Variants in PCBP3 observed in about 807,000 individuals in gnomAD.
PCBP3 encodes poly(rC)-binding protein 3.
In PCBP3, 25 loss-of-function variants were observed where a neutral mutation model predicts 52.7. That is an observed-to-expected ratio of 0.47 (90% CI 0.35 to 0.66). The LOEUF is 0.66. PCBP3 is among the 30% of genes least tolerant of loss of function. PCBP3 has a pLI of 0.01. For missense variants in PCBP3, 391 were observed against 490.3 expected, an observed-to-expected ratio of 0.80 and a Z score of 1.91; for synonymous variants, 162 against 183.0, an observed-to-expected ratio of 0.89 and a Z score of 0.93.
rs1446604811 is a variant in PCBP3, at chr21:45,802,509, C to T, written c.-126+47057C>T. ...AGGGCACGTGGCCCAGAGGGCTCTG[C>T]AGAGACGGCTCTGAGAGCAAAAGTG... is the stretch of plus-strand genomic sequence containing the variant. On this transcript the variant is annotated intron_variant, in intron 4 of 17. Transcript: ENST00000681687. The surrounding 1 kb of genome is among the most constrained non-coding windows in gnomAD (Gnocchi z 5.1). 1.3e-5 allele frequency among the ~76,000 whole-genome samples: 2 copies of T among 152,184 alleles called. No homozygotes were observed. The highest frequency in any genetic ancestry group is 4.8e-5 in the African/African-American group (2 of 41,432).
chr21:45,871,181 C>A (rs73911015), intron 5 of PCBP3: 2,499 of 176,266 alleles, frequency 0.014, 67 homozygotes, highest in East Asian at 0.1. Flanking sequence ...CCGTGCAGCC[C>A]AGTGCCTGGG....
intron 9 of PCBP3, among the ~76,000 whole-genome samples, chr21:45,905,684 A>C (rs893686187): frequency 6.6e-6 from 1 of 152,256 alleles, no homozygotes; most frequent in Non-Finnish European, 1.5e-5. Context: ...CTGGGTCCTC[A>C]CAGAGTCACC....
At chr21:45,730,909 G>A (rs1170442711) in intron 2 of PCBP3, among the ~76,000 whole-genome samples, 1 of 151,758 alleles carries the variant, frequency 6.6e-6, no homozygotes, top group Non-Finnish European at 1.5e-5. Context: ...TAACCTCTGT[G>A]TATGTTTATA....
chr21:45,902,259 G>A (rs1379696809), intron 9 of PCBP3, among the ~76,000 whole-genome samples: 1 of 70,366 alleles, frequency 1.4e-5, no homozygotes, highest in Admixed American at 1.2e-4. Flanking sequence ...GGACACTGCA[G>A]ACACTGGGGC....
intron 15 of PCBP3, 63 bp from the exon 16 acceptor site, chr21:45,935,190 G>A (rs1418301506): frequency 5.4e-6 from 6 of 1,118,988 alleles, no homozygotes; most frequent in South Asian, 1.3e-5. Flanking sequence ...TGAGGGACAG[G>A]CACTGGAGTG....
intron 5 of PCBP3, among the ~76,000 whole-genome samples, chr21:45,888,724 T>C (rs561950914): frequency 2.6e-5 from 4 of 152,394 alleles, no homozygotes; most frequent in Admixed American, 2.6e-4. Flanking sequence ...TGAATAAACA[T>C]GTTCCACACG....
intron 3 of PCBP3, among the ~76,000 whole-genome samples, chr21:45,738,399 C>T (rs967922231): frequency 3.3e-5 from 5 of 151,904 alleles, no homozygotes; most frequent in Middle Eastern, 3.4e-3. Context: ...GGACTACAGA[C>T]GCCCGCCACC....
At chr21:45,825,614 C>T (rs948679043) in intron 4 of PCBP3, among the ~76,000 whole-genome samples, 6 of 152,282 alleles carry the variant, frequency 3.9e-5, no homozygotes, top group Admixed American at 2.0e-4. Flanking sequence ...CTGTATTAGA[C>T]GGAGGAAACC....
intron 9 of PCBP3, among the ~76,000 whole-genome samples, chr21:45,908,342 C>A (rs1279711508): frequency 1.3e-5 from 2 of 152,198 alleles, no homozygotes; most frequent in Admixed American, 1.3e-4. Flanking sequence ...CACAGAGCCT[C>A]TCCCCAGCCT....
At chr21:45,682,006 C>G (rs1329887562) in intron 2 of PCBP3, among the ~76,000 whole-genome samples, 1 of 151,972 alleles carries the variant, frequency 6.6e-6, no homozygotes, top group Non-Finnish European at 1.5e-5. Flanking sequence ...TGCTAAGAAT[C>G]ATGTCATCAC....
chr21:45,804,879 C>T (rs1015083192), intron 4 of PCBP3, among the ~76,000 whole-genome samples: 5 of 152,054 alleles, frequency 3.3e-5, no homozygotes, highest in Non-Finnish European at 5.9e-5. Flanking sequence ...AAGGCCAGGC[C>T]GTGTTCCTGG....
intron 12 of PCBP3, chr21:45,916,626 A>G (rs903697150): frequency 1.3e-5 from 2 of 152,176 alleles, no homozygotes; most frequent in African/African-American, 2.4e-5. Context: ...GGGTCCCCCC[A>G]CCCCCACGTG....
At chr21:45,758,957 G>T (rs1188132101) in intron 4 of PCBP3, among the ~76,000 whole-genome samples, 2 of 152,096 alleles carry the variant, frequency 1.3e-5, no homozygotes, top group Non-Finnish European at 2.9e-5. Flanking sequence ...TTAAAATAAT[G>T]TATGGTTTTT....
chr21:45,877,415 G>C (rs1322229337), intron 5 of PCBP3, among the ~76,000 whole-genome samples: 1 of 152,196 alleles, frequency 6.6e-6, no homozygotes, highest in African/African-American at 2.4e-5. Flanking sequence ...GCATTCTGTT[G>C]ATTTGAATAT....
intron 15 of PCBP3, among the ~76,000 whole-genome samples, chr21:45,933,178 T>C (rs532831978): frequency 1.9e-4 from 25 of 128,330 alleles, no homozygotes; most frequent in South Asian, 5.1e-4. Context: ...CCATGCTGTC[T>C]TGAGATGAAT....
chr21:45,816,008 G>A (rs1209796990), intron 4 of PCBP3, among the ~76,000 whole-genome samples: 22 of 129,470 alleles, frequency 1.7e-4, no homozygotes, highest in Middle Eastern at 4.5e-3. Flanking sequence ...TGAGTGGTGA[G>A]TGAGTGGTGA....
At chr21:45,766,265 G>A (rs1200898128) in intron 4 of PCBP3, among the ~76,000 whole-genome samples, 1 of 152,228 alleles carries the variant, frequency 6.6e-6, no homozygotes, top group Non-Finnish European at 1.5e-5. Flanking sequence ...TACCACCAGC[G>A]ATGGACCGGA....
chr21:45,764,284 G>A (rs995071038), intron 4 of PCBP3, among the ~76,000 whole-genome samples: 1 of 151,982 alleles, frequency 6.6e-6, no homozygotes, highest in Non-Finnish European at 1.5e-5. Flanking sequence ...CACCACGCCC[G>A]GCTAATTATG....
At chr21:45,854,320 T>G (rs1435591384) in intron 5 of PCBP3, among the ~76,000 whole-genome samples, 6 of 152,208 alleles carry the variant, frequency 3.9e-5, no homozygotes, top group Non-Finnish European at 1.5e-5. Context: ...TTAACTATTT[T>G]TTAGCATACA....
Sources: gnomAD v4.1 joint callset for allele counts (sites outside exome capture counted in the v4.1 genomes callset) on GRCh38, gnomAD v4.1.1 for gene constraint, Gnocchi (gnomAD v3.1) non-coding constraint, MANE v1.5 for transcripts, NCBI Gene and HGNC (gene_info 2026-07-23, HGNC 2026-07-21) for gene names.